Variants in COPG2 observed in about 807,000 individuals in gnomAD.
The protein encoded by COPG2 is coatomer subunit gamma-2.
COPG2 carries 37 observed loss-of-function variants against 46.3 expected under a neutral mutation model. That is an observed-to-expected ratio of 0.80 (90% CI 0.61 to 1.05). The LOEUF (loss-of-function observed/expected upper bound fraction) is 1.05, where lower values mean the gene tolerates loss of function less well. Among genes scored for constraint, COPG2 ranks in the 50% least tolerant of loss-of-function variants. COPG2 has a pLI of 0.00. For synonymous variants in COPG2, 159 were observed against 129.7 expected, an observed-to-expected ratio of 1.23 and a Z score of -1.53; for missense variants, 427 against 387.8, an observed-to-expected ratio of 1.10 and a Z score of -0.85.
rs1382087826 is a variant in COPG2 at position 130,557,817 on chromosome 7, C to CAA, written c.1129-2687_1129-2686dup. ...GGGCAGCAAGAATGAAACTCCATCT[C>CAA]AAAAAAAAAAAAAAAAAAAAATCAT... On this transcript the variant is annotated intron_variant, in intron 12 of 23. Coordinates refer to ENST00000425248, the MANE Select transcript of COPG2 (RefSeq NM_012133.6). Among the ~76,000 whole-genome samples the CAA allele has an allele frequency of 3.3e-4, 4 of 12,236 alleles. 1 individual carries two copies. The East Asian group carries it at 9.8e-3, about 30-fold the overall frequency. 8.0% of individuals were successfully genotyped at this position (12,236 alleles called of 152,430 possible). A position where few individuals can be genotyped will look rare whatever the true frequency, so the allele number is the denominator to read the frequency against.
At chr7:130,571,082 G>A (rs1793888541) in intron 9 of COPG2, among the ~76,000 whole-genome samples, 1 of 152,134 alleles carries the variant, frequency 6.6e-6, no homozygotes, top group Non-Finnish European at 1.5e-5. Context: ...TCTAAGACCT[G>A]AAACCATTAA....
At chr7:130,541,532 C>T (rs1348061401) in intron 20 of COPG2, among the ~76,000 whole-genome samples, 7 of 151,788 alleles carry the variant, frequency 4.6e-5, no homozygotes, top group East Asian at 1.9e-4. Context: ...GAGATGAGGA[C>T]GGGCAGAGAG....
At chr7:130,577,354 T>C (rs1794020361) in intron 9 of COPG2, among the ~76,000 whole-genome samples, 1 of 152,214 alleles carries the variant, frequency 6.6e-6, no homozygotes, top group African/African-American at 2.4e-5. Flanking sequence ...ATTGCCTCAC[T>C]TGGGAAGCGC....
chr7:130,625,527 AT>A (rs1373305280), intron 5 of COPG2, among the ~76,000 whole-genome samples: 2 of 151,576 alleles, frequency 1.3e-5, no homozygotes, highest in Admixed American at 1.3e-4. Flanking sequence ...AAAGGGGGTC[AT>A]TTTTGACAAG....
At chr7:130,561,390 T>C (rs1793716616) in intron 11 of COPG2, among the ~76,000 whole-genome samples, 169 bp from the exon 12 acceptor site, 1 of 152,236 alleles carries the variant, frequency 6.6e-6, no homozygotes, top group African/African-American at 2.4e-5. Context: ...TTTTAATAAA[T>C]GATCAACGGC....
At chr7:130,567,741 T>G (rs1793827414) in intron 9 of COPG2, among the ~76,000 whole-genome samples, 1 of 152,194 alleles carries the variant, frequency 6.6e-6, no homozygotes, top group Admixed American at 6.5e-5. Flanking sequence ...AAGATAAAGT[T>G]CTTTTCAGAT....
At chr7:130,578,658 G>C (rs1430021942) in intron 9 of COPG2, among the ~76,000 whole-genome samples, 6 of 152,232 alleles carry the variant, frequency 3.9e-5, no homozygotes, top group African/African-American at 9.6e-5. Context: ...CTTAAAGGAG[G>C]TGATGGAGCT....
chr7:130,586,844 C>G (rs541052731), intron 9 of COPG2, among the ~76,000 whole-genome samples: 2 of 151,996 alleles, frequency 1.3e-5, no homozygotes, highest in South Asian at 2.1e-4. Context: ...TAAGTGGCAC[C>G]AAAAGTAACT....
At chr7:130,621,450 T>G (rs1795036632) in intron 5 of COPG2, among the ~76,000 whole-genome samples, 1 of 152,230 alleles carries the variant, frequency 6.6e-6, no homozygotes, top group South Asian at 2.1e-4. Context: ...TACTCAATTC[T>G]GTAGCTGCAG....
rs1278670786 is a variant in COPG2, at chr7:130,653,009, T to C, written c.244-61A>G. 4.6e-6 allele frequency: 5 copies of C among 1,087,954 alleles called. 1 individual carries two copies. The highest frequency in any genetic ancestry group is 2.8e-5 in the South Asian group (2 of 71,746). The allele number at this position is 1,087,954 out of a possible 1,614,324, so 67.4% of individuals were successfully genotyped here. ...ATTAGGAAATGGTTTTTTAAATTAT[T>C]TGAAGTGAGGACCCCAAGTAGATAT... On this transcript the variant is annotated intron_variant, in intron 4 of 23. Transcript: ENST00000425248.
At chr7:130,611,612 T>C (rs564950117) in intron 8 of COPG2, among the ~76,000 whole-genome samples, 3 of 152,284 alleles carry the variant, frequency 2.0e-5, no homozygotes, top group Admixed American at 2.0e-4. Context: ...TCCTAATAAC[T>C]GAATATGTTA....
chr7:130,645,095 T>G (rs1554457955), intron 5 of COPG2: 1 of 334,900 alleles, frequency 3.0e-6, no homozygotes, highest in Admixed American at 4.5e-5. Context: ...AGAAAAGAAA[T>G]GCTTAAGCAT....
intron 5 of COPG2, among the ~76,000 whole-genome samples, chr7:130,646,378 T>C (rs1456763005): frequency 2.6e-5 from 4 of 152,216 alleles, no homozygotes; most frequent in Non-Finnish European, 5.9e-5. Context: ...ATTGCCATGC[T>C]TTTTTGTAAC....
intron 20 of COPG2, among the ~76,000 whole-genome samples, chr7:130,541,082 G>A (rs1232964993): frequency 2.0e-5 from 3 of 152,312 alleles, no homozygotes; most frequent in Admixed American, 6.5e-5. Context: ...GAAGACGCAC[G>A]TGCAGTGGGG....
At chr7:130,623,559 C>T (rs1563062752) in intron 5 of COPG2, among the ~76,000 whole-genome samples, 1 of 152,168 alleles carries the variant, frequency 6.6e-6, no homozygotes, top group Non-Finnish European at 1.5e-5. Flanking sequence ...GCTATTCTTA[C>T]ATTATATTTT....
chr7:130,560,414 A>G (rs1427232946), intron 12 of COPG2, among the ~76,000 whole-genome samples: 4 of 152,182 alleles, frequency 2.6e-5, no homozygotes, highest in Non-Finnish European at 5.9e-5. Flanking sequence ...GTTCTCCCCA[A>G]ATTGATTTAT....
chr7:130,562,456 C>A (rs1431266321), intron 11 of COPG2, among the ~76,000 whole-genome samples: 1 of 152,208 alleles, frequency 6.6e-6, no homozygotes, highest in Non-Finnish European at 1.5e-5. Flanking sequence ...ACTGTTTACA[C>A]AATTAATTTA....
intron 20 of COPG2, among the ~76,000 whole-genome samples, chr7:130,531,677 T>C (rs1180784475): frequency 1.3e-5 from 2 of 151,960 alleles, no homozygotes; most frequent in African/African-American, 4.8e-5. Flanking sequence ...CCAGGCCTAT[T>C]TGAGAGGGGC....
intron 9 of COPG2, among the ~76,000 whole-genome samples, chr7:130,592,217 A>G (rs1173469570): frequency 2.0e-5 from 3 of 152,070 alleles, no homozygotes; most frequent in African/African-American, 7.2e-5. Flanking sequence ...GCTCGTTAAG[A>G]GTCATCGCCA....
Sources: allele counts gnomAD v4.1 joint callset (sites outside exome capture counted in the v4.1 genomes callset), GRCh38; gene constraint gnomAD v4.1.1; transcripts MANE v1.5; gene names NCBI Gene and HGNC (gene_info 2026-07-23, HGNC 2026-07-21).